PREX2: variants seen among roughly 807,000 people sequenced by gnomAD.
PREX2 encodes phosphatidylinositol-3,4,5-trisphosphate dependent Rac exchange factor 2.
A neutral mutation model predicts 203.2 loss-of-function variants in PREX2; 107 were observed. The observed-to-expected ratio is 0.53, with a 90% CI of 0.45 to 0.62. The LOEUF (loss-of-function observed/expected upper bound fraction) is 0.62. PREX2 is among the 20% of genes least tolerant of loss of function. The probability of loss-of-function intolerance (pLI) is 0.00; values close to 1 mark genes in which losing one functional copy is unlikely to be tolerated. For synonymous variants in PREX2, 672 were observed against 663.6 expected (o/e 1.01, Z -0.19); for missense variants, 1,777 against 1,955.9 (o/e 0.91, Z 1.72).
intron 18 of PREX2, among the ~76,000 whole-genome samples, chr8:68,085,886 G>A (rs543490278): frequency 3.3e-5 from 5 of 152,246 alleles, no homozygotes; most frequent in South Asian, 4.1e-4. Context: ...AAATCCAAAA[G>A]CAACAATAAT....
At chr8:68,071,171 G>T (rs889625968) in intron 13 of PREX2, among the ~76,000 whole-genome samples, 3 of 152,142 alleles carry the variant, frequency 2.0e-5, no homozygotes, top group Non-Finnish European at 4.4e-5. Flanking sequence ...TATCAAGAAA[G>T]CTGCATCTGT....
At chr8:68,036,577 A>G (rs1308030941) in intron 6 of PREX2, among the ~76,000 whole-genome samples, 3 of 151,548 alleles carry the variant, frequency 2.0e-5, no homozygotes, top group African/African-American at 7.3e-5. Context: ...AACACATGAT[A>G]AAGTACATGA....
At chr8:68,038,889 C>A (rs1004745575) in intron 7 of PREX2, among the ~76,000 whole-genome samples, 2 of 152,120 alleles carry the variant, frequency 1.3e-5, no homozygotes, top group African/African-American at 4.8e-5. Context: ...TTCTCTTCAC[C>A]TGCAATGAGT....
chr8:68,032,893 C>T (rs1280596285), intron 6 of PREX2, among the ~76,000 whole-genome samples: 1 of 152,142 alleles, frequency 6.6e-6, no homozygotes, highest in African/African-American at 2.4e-5. Context: ...TGCTAGGAAA[C>T]AGCTCCCTCT....
intron 1 of PREX2, among the ~76,000 whole-genome samples, chr8:67,984,308 A>C (rs954635799): frequency 1.3e-5 from 2 of 151,986 alleles, no homozygotes; most frequent in African/African-American, 4.8e-5. Context: ...GATTTATTCA[A>C]CATTGATTTC....
At chr8:68,109,699 A>T (rs564263207) in intron 25 of PREX2, 76 bp downstream of exon 25, 3 of 1,209,086 alleles carry the variant, frequency 2.5e-6, no homozygotes, top group South Asian at 1.3e-5. Flanking sequence ...AAATTCAATC[A>T]TTCTCTCTTT....
Position 68,118,552 on chromosome 8 carries a change from A to T in PREX2, c.3329A>T (p.Asp1110Val). The change falls in exon 27 of 40, where the codon GAC (aspartate) becomes GTC (valine). Residue 1110 changes from aspartate (D) to valine (V), a missense_variant and splice_region_variant. Asp to Val is a radical substitution (Grantham distance 152). Transcript: ENST00000288368. ...DTISNRDSYS[D>V]CNSNRNSIAS... ...AACATGAAACCTGTTGTTTTCAGTG[A>T]CTGCAACAGCAATAGGAATTCCATC... is the stretch of plus-strand genomic sequence containing the variant. 6.2e-7 allele frequency: 1 copy of T among 1,612,678 alleles called. No homozygotes were observed. The highest frequency in any genetic ancestry group is 1.7e-5 in the Admixed American group (1 of 59,996).
intron 11 of PREX2, among the ~76,000 whole-genome samples, chr8:68,063,738 G>A (rs1808931778): frequency 6.6e-6 from 1 of 151,952 alleles, no homozygotes; most frequent in African/African-American, 2.4e-5. Context: ...TTGATGGACA[G>A]CGTAAAAAGA....
intron 32 of PREX2, among the ~76,000 whole-genome samples, chr8:68,137,059 C>T (rs746469035): frequency 3.9e-5 from 6 of 151,902 alleles, no homozygotes; most frequent in African/African-American, 7.3e-5. Flanking sequence ...GTGTGCACCA[C>T]GATGCTCAGC....
Position 68,099,788 on chromosome 8 carries a change from C to T in PREX2, c.2660C>T (p.Ala887Val), listed in dbSNP as rs754281394. The T allele has an allele frequency of 1.9e-6, 3 of 1,612,770 alleles. No individual in the cohort carries two copies. Among genetic ancestry groups the T allele is most frequent in the Non-Finnish European group, 1.7e-6 (2 of 1,178,956 alleles). ...IPTDLQSKFS[A>V]LCSERIEHLC... ...ACTGACCTTCAGAGTAAATTCAGTGCCCTTTGCAGTGAAAGAATTGAACAC... is the reference window on the plus strand; with the variant it reads ...ACTGACCTTCAGAGTAAATTCAGTGTCCTTTGCAGTGAAAGAATTGAACAC... Residue 887 changes from alanine (A) to valine (V), a missense_variant, in exon 23 of 40, where the codon GCC (alanine) becomes GTC (valine). Coordinates refer to ENST00000288368, the MANE Select transcript of PREX2 (RefSeq NM_024870.4).
Position 68,204,678 on chromosome 8 carries a change from CTTTTTTT to C in PREX2, c.4604+12171_4604+12177del, listed in dbSNP as rs1192583427. ...TTCTTTTCTTTTTTCTTTCTTCTTT[CTTTTTTT>C]TTTTTTTTTTTTTTTTTGAGACACA... On this transcript the variant is annotated intron_variant, in intron 37 of 39. Transcript: ENST00000288368. Among the ~76,000 whole-genome samples the C allele has an allele frequency of 8.5e-4, 71 of 83,400 alleles. No individual in the cohort carries two copies. In the East Asian group the frequency reaches 0.011, roughly 13 times the overall value. 54.7% of individuals were successfully genotyped at this position (83,400 alleles called of 152,430 possible). A position where few individuals can be genotyped will look rare whatever the true frequency, so the allele number is the denominator to read the frequency against.
Position 68,224,623 on chromosome 8 carries a change from C to CA in PREX2, c.4774dup (p.Arg1592LysfsTer40). 2 of 1,611,910 alleles carry CA rather than the reference C, an allele frequency of 1.2e-6. No homozygotes were observed. On this transcript the variant is annotated frameshift_variant, in exon 39 of 40. Coordinates refer to ENST00000288368, the MANE Select transcript of PREX2 (RefSeq NM_024870.4). LOFTEE classifies it high-confidence loss of function. Reference sequence around the variant, plus strand: ...AGAGACCGGACTCCACAGTCTGCACCAAGGTAAGTGCATCCCCTGCTCTGC... The same window carrying CA: ...AGAGACCGGACTCCACAGTCTGCACCAAAGGTAAGTGCATCCCCTGCTCTGC...
At chr8:68,104,420 T>C (rs1355035629) in intron 23 of PREX2, among the ~76,000 whole-genome samples, 1 of 152,184 alleles carries the variant, frequency 6.6e-6, no homozygotes, top group Non-Finnish European at 1.5e-5. Flanking sequence ...TGATGTTCCT[T>C]GGACACACCA....
chr8:68,106,304 A>T (rs777162940), intron 23 of PREX2: 1 of 512,034 alleles, frequency 2.0e-6, no homozygotes, highest in African/African-American at 1.9e-5. Context: ...AGTTTTTTGC[A>T]TCTAGCCTTA....
intron 25 of PREX2, among the ~76,000 whole-genome samples, chr8:68,113,192 G>A (rs984994787): frequency 6.6e-6 from 1 of 151,282 alleles, no homozygotes; most frequent in Non-Finnish European, 1.5e-5. Context: ...TCTATCATTT[G>A]TTTGTAAGCC....
At chr8:68,229,940 C>T (rs1255939952) in intron 39 of PREX2, among the ~76,000 whole-genome samples, 1 of 152,166 alleles carries the variant, frequency 6.6e-6, no homozygotes, top group Admixed American at 6.5e-5. Context: ...TGAAGTACAT[C>T]GGGTCAATTG....
intron 39 of PREX2, among the ~76,000 whole-genome samples, chr8:68,226,257 C>G (rs1813055164): frequency 6.6e-6 from 1 of 152,122 alleles, no homozygotes; most frequent in African/African-American, 2.4e-5. Context: ...GAGTATAAAC[C>G]TGAATTAGAA....
intron 35 of PREX2, among the ~76,000 whole-genome samples, chr8:68,167,987 T>C (rs1289899566): frequency 6.6e-6 from 1 of 152,174 alleles, no homozygotes; most frequent in East Asian, 1.9e-4. Context: ...TGGTGGGTGA[T>C]TCTTATGCAC....
At chr8:68,170,435 G>T (rs541926355) in intron 35 of PREX2, among the ~76,000 whole-genome samples, 1 of 152,358 alleles carries the variant, frequency 6.6e-6, no homozygotes, top group African/African-American at 2.4e-5. Context: ...TTTTCCCCCG[G>T]TCTCCTGTGG....
Sources: gnomAD v4.1 joint callset for allele counts (sites outside exome capture counted in the v4.1 genomes callset) on GRCh38, gnomAD v4.1.1 for gene constraint, MANE v1.5 for transcripts, NCBI Gene and HGNC (gene_info 2026-07-23, HGNC 2026-07-21) for gene names.